Variants in ZCWPW2 observed in about 807,000 individuals in gnomAD.
The protein encoded by ZCWPW2 is zinc finger CW-type and PWWP domain containing 2.
Under a neutral mutation model 46.6 loss-of-function variants are expected in ZCWPW2, and 45 were observed. That is an observed-to-expected ratio of 0.96 (90% CI 0.76 to 1.24). The LOEUF is 1.24. Among genes scored for constraint, ZCWPW2 ranks in the 50% most tolerant of loss-of-function variants. The probability of loss-of-function intolerance (pLI) is 0.00; values close to 1 mark genes in which losing one functional copy is unlikely to be tolerated. For synonymous variants in ZCWPW2, 152 were observed against 137.1 expected (o/e 1.11, Z -0.76); for missense variants, 429 against 403.9 (o/e 1.06, Z -0.53).
chr3:28,475,049 G>T (rs1699190035), intron 4 of ZCWPW2, among the ~76,000 whole-genome samples: 1 of 151,786 alleles, frequency 6.6e-6, no homozygotes, highest in Admixed American at 6.6e-5. Context: ...TCACCATGTT[G>T]CCTAAGCTGG....
chr3:28,433,748 T>G (rs577763988), intron 3 of ZCWPW2, among the ~76,000 whole-genome samples: 1 of 144,844 alleles, frequency 6.9e-6, no homozygotes, highest in South Asian at 2.2e-4. Flanking sequence ...AGAGCAAGAC[T>G]CCCTCTTAAA....
At chr3:28,448,885 A>ATCCT (rs1698113336) in intron 4 of ZCWPW2, among the ~76,000 whole-genome samples, 2 of 148,338 alleles carry the variant, frequency 1.3e-5, no homozygotes, top group African/African-American at 4.9e-5. Context: ...CCCTATTAAA[A>ATCCT]TCCTAATGGT....
chr3:28,378,927 C>A (rs1480579960), intron 1 of ZCWPW2, among the ~76,000 whole-genome samples: 1 of 152,038 alleles, frequency 6.6e-6, no homozygotes, highest in African/African-American at 2.4e-5. Flanking sequence ...ATTGCTGAGG[C>A]ATATAATAGG....
intron 3 of ZCWPW2, among the ~76,000 whole-genome samples, chr3:28,433,783 A>C (rs953648779): frequency 4.6e-5 from 7 of 151,152 alleles, no homozygotes; most frequent in African/African-American, 1.7e-4. Flanking sequence ...AAAACAAAAA[A>C]CAAAAAAAAC....
At chr3:28,380,963 T>TG (rs1429451402) in intron 1 of ZCWPW2, among the ~76,000 whole-genome samples, 1 of 38,110 alleles carries the variant, frequency 2.6e-5, no homozygotes, top group African/African-American at 1.2e-4. Flanking sequence ...TATATATATA[T>TG]ATATATATTT....
At chr3:28,496,907 A>T (rs1327182858) in intron 6 of ZCWPW2, among the ~76,000 whole-genome samples, 1 of 151,524 alleles carries the variant, frequency 6.6e-6, no homozygotes, top group Non-Finnish European at 1.5e-5. Context: ...ATAAAAAGTA[A>T]GTAACTGCTT....
intron 1 of ZCWPW2, among the ~76,000 whole-genome samples, chr3:28,389,816 G>A (rs1195429927): frequency 6.6e-6 from 1 of 152,174 alleles, no homozygotes; most frequent in East Asian, 1.9e-4. Context: ...TCAGGGAAGA[G>A]TTGCAGTTTG....
At chr3:28,357,041 T>A (rs1434882715) in intron 1 of ZCWPW2, among the ~76,000 whole-genome samples, 1 of 152,018 alleles carries the variant, frequency 6.6e-6, no homozygotes, top group Non-Finnish European at 1.5e-5. Context: ...TTTCATTTAT[T>A]TTTTGCCAAT....
At chr3:28,477,944 A>T (rs1338036513) in intron 4 of ZCWPW2, among the ~76,000 whole-genome samples, 2 of 152,092 alleles carry the variant, frequency 1.3e-5, no homozygotes, top group Admixed American at 1.3e-4. Flanking sequence ...TTTAACATTT[A>T]TTTTTGACCC....
At chr3:28,436,215 A>G (rs1377612208) in intron 4 of ZCWPW2, among the ~76,000 whole-genome samples, 2 of 152,152 alleles carry the variant, frequency 1.3e-5, no homozygotes, top group Non-Finnish European at 2.9e-5. Context: ...TTTATATTCT[A>G]ATATTGAAAC....
intron 6 of ZCWPW2, among the ~76,000 whole-genome samples, chr3:28,510,491 A>G (rs923349815): frequency 3.7e-4 from 56 of 152,078 alleles, no homozygotes; most frequent in African/African-American, 1.2e-3. Context: ...GTTTATTTAG[A>G]TTTACATAAT....
chr3:28,361,224 C>T (rs564680305), intron 1 of ZCWPW2, among the ~76,000 whole-genome samples: 37 of 152,286 alleles, frequency 2.4e-4, no homozygotes, highest in African/African-American at 8.9e-4. Flanking sequence ...AATAAGCCTA[C>T]ACACTGTGGT....
chr3:28,427,163 C>A (rs1461266032), intron 3 of ZCWPW2, among the ~76,000 whole-genome samples: 4 of 152,226 alleles, frequency 2.6e-5, no homozygotes, highest in African/African-American at 9.6e-5. Context: ...CCACTCCTCT[C>A]CCTTTCATCA....
chr3:28,372,751 A>T (rs893376266), intron 1 of ZCWPW2, among the ~76,000 whole-genome samples: 26 of 151,904 alleles, frequency 1.7e-4, no homozygotes, highest in African/African-American at 5.6e-4. Context: ...CCAACAGGCA[A>T]TTTTTCAGCC....
intron 8 of ZCWPW2, 29 bp from the exon 9 acceptor site, chr3:28,520,963 T>C: frequency 6.2e-7 from 1 of 1,610,528 alleles, no homozygotes; most frequent in Non-Finnish European, 8.5e-7. Flanking sequence ...AGATGTAGCA[T>C]TTTTACTGTA....
rs1704400810 is a variant in ZCWPW2, at chr3:28,348,912, G to A, written c.-425G>A. On this transcript the variant is annotated 5_prime_UTR_variant, in exon 1 of 10. Coordinates refer to ENST00000383768, the MANE Select transcript of ZCWPW2 (RefSeq NM_001040432.4). ...CGCGCGAGACCCAGGCCCGCCGTCG[G>A]GACCAGCACGGGCCGGAGGGAGGGG... 3.1e-6 allele frequency: 3 copies of A among 979,208 alleles called. No individual in the cohort carries two copies. The South Asian group carries it at 1.4e-4, about 46-fold the overall frequency. 60.7% of individuals were successfully genotyped at this position (979,208 alleles called of 1,614,324 possible). A position where few individuals can be genotyped will look rare whatever the true frequency, so the allele number is the denominator to read the frequency against.
chr3:28,387,496 T>C (rs1695320542), intron 1 of ZCWPW2, among the ~76,000 whole-genome samples: 1 of 152,178 alleles, frequency 6.6e-6, no homozygotes, highest in South Asian at 2.1e-4. Flanking sequence ...ATTGTTTTAT[T>C]TTCATATAAT....
chr3:28,474,623 G>A (rs560004093), intron 4 of ZCWPW2, among the ~76,000 whole-genome samples: 5 of 143,908 alleles, frequency 3.5e-5, no homozygotes, highest in East Asian at 2.1e-4. Context: ...GTGTGTGTGC[G>A]CGCGCGCGCG....
At chr3:28,395,106 G>A (rs115748856) in intron 2 of ZCWPW2, among the ~76,000 whole-genome samples, 5,148 of 152,116 alleles carry the variant, frequency 0.034, 122 homozygotes, top group Non-Finnish European at 0.054. Context: ...GACTTAAGTA[G>A]GCATTTCACC....
Sources: allele counts gnomAD v4.1 joint callset (sites outside exome capture counted in the v4.1 genomes callset), GRCh38; gene constraint gnomAD v4.1.1; transcripts MANE v1.5; gene names NCBI Gene and HGNC (gene_info 2026-07-23, HGNC 2026-07-21).